PCDHA3: variants seen among roughly 807,000 people sequenced by gnomAD.
The protein encoded by PCDHA3 is protocadherin alpha-3.
In PCDHA3, 41 loss-of-function variants were observed where a neutral mutation model predicts 62.2. The ratio of observed to expected loss-of-function variants is 0.66; its 90% CI spans 0.51 to 0.86. The LOEUF is 0.86. Ranked by LOEUF, PCDHA3 falls within the 40% of genes least tolerant of loss-of-function variation. The pLI is 0.00. For missense variants in PCDHA3, 1,304 were observed against 1,241.2 expected (o/e 1.05, Z -0.76); for synonymous variants, 640 against 555.4 (o/e 1.15, Z -2.14).
At chr5:140,886,254 CTATT>C (rs1407308299) in intron 1 of PCDHA3, among the ~76,000 whole-genome samples, 1 of 151,720 alleles carries the variant, frequency 6.6e-6, no homozygotes, top group African/African-American at 2.4e-5. Context: ...AAAAGTATCT[CTATT>C]TATAGATAAA....
chr5:140,954,390 C>A (rs2095030202), intron 1 of PCDHA3, among the ~76,000 whole-genome samples: 1 of 152,204 alleles, frequency 6.6e-6, no homozygotes, highest in South Asian at 2.1e-4. Context: ...AACTAATTTA[C>A]AACCCCACCA....
At chr5:140,980,076 G>A (rs2096875671) in intron 2 of PCDHA3, among the ~76,000 whole-genome samples, 1 of 152,214 alleles carries the variant, frequency 6.6e-6, no homozygotes, top group South Asian at 2.1e-4. Flanking sequence ...AAGGGCTGAA[G>A]ATTAGTAGTT....
chr5:140,941,225 T>TTC (rs2092914120), intron 1 of PCDHA3, among the ~76,000 whole-genome samples: 17 of 138,026 alleles, frequency 1.2e-4, no homozygotes, highest in African/African-American at 4.7e-4. Context: ...CTTTCTTTCT[T>TTC]TCTTTCTTTC....
rs2150434628 is a variant in PCDHA3, at chr5:140,849,311, C to T, written c.2394+45720C>T. On this transcript the variant is annotated intron_variant, in intron 1 of 3. Transcript: ENST00000522353. ...CCAATGCCTCAGATTTAGACGAAGGCTTGAATGGGGATATTATTTACTCCT... is the reference window on the plus strand; with the variant it reads ...CCAATGCCTCAGATTTAGACGAAGGTTTGAATGGGGATATTATTTACTCCT... 446 of 1,312,408 alleles carry T rather than the reference C, an allele frequency of 3.4e-4. 16 individuals carry two copies. The African/African-American group carries it at 6.8e-3, about 20-fold the overall frequency. 81.3% of individuals were successfully genotyped at this position (1,312,408 alleles called of 1,614,324 possible). A position where few individuals can be genotyped will look rare whatever the true frequency, so the allele number is the denominator to read the frequency against.
At chr5:140,968,345 G>A in intron 1 of PCDHA3, 2 of 1,614,132 alleles carry the variant, frequency 1.2e-6, no homozygotes, top group Non-Finnish European at 8.5e-7. Flanking sequence ...CATTAACAGT[G>A]CCAGTGGCAG....
Position 140,803,499 on chromosome 5 carries a change from G to C in PCDHA3, c.2302G>C (p.Asp768His). The C allele has an allele frequency of 4.3e-6, 7 of 1,614,228 alleles. No homozygotes were observed. Among genetic ancestry groups the C allele is most frequent in the East Asian group, 2.2e-5 (1 of 44,874 alleles). Residue 768 changes from aspartate to histidine, a missense_variant, in exon 1 of 4, where the codon GAC (aspartate) becomes CAC (histidine). By Grantham distance (81) the Asp-to-His change is moderately conservative. Transcript: ENST00000522353. Reference protein sequence around the residue: ...VCSGEGLPKTDLMAFSPSLPP... With the variant: ...VCSGEGLPKTHLMAFSPSLPP... ...CTCTGGAGAGGGGTTGCCCAAGACCGACCTCATGGCTTTTAGCCCTAGCCT... is the reference window on the plus strand; with the variant it reads ...CTCTGGAGAGGGGTTGCCCAAGACCCACCTCATGGCTTTTAGCCCTAGCCT...
intron 1 of PCDHA3, among the ~76,000 whole-genome samples, chr5:140,872,278 AAAGTT>A (rs2053578296): frequency 6.6e-6 from 1 of 152,138 alleles, no homozygotes; most frequent in Non-Finnish European, 1.5e-5. Context: ...TTTGAAGAAA[AAAGTT>A]AAGCCTTGCA....
At chr5:140,967,884 C>T (rs2096194386) in intron 1 of PCDHA3, 2 of 1,614,050 alleles carry the variant, frequency 1.2e-6, no homozygotes, top group African/African-American at 1.3e-5. Context: ...CTGTATAGCC[C>T]AGTGCCTGAG....
In PCDHA3 at chr5:140,839,239, T is replaced by C. The variant is rs112328641; in HGVS notation, c.2394+35648T>C. Among the ~76,000 whole-genome samples the C allele has an allele frequency of 2.6e-3, 403 of 152,128 alleles. 5 individuals carry two copies. The highest frequency in any genetic ancestry group is 9.3e-3 in the African/African-American group (387 of 41,468). ...TGTAACTGTAATCTGTTTTTATTGCTTTGCTTTTATGCTTACATGCATGTA... is the reference window on the plus strand; with the variant it reads ...TGTAACTGTAATCTGTTTTTATTGCCTTGCTTTTATGCTTACATGCATGTA... On this transcript the variant is annotated intron_variant, in intron 1 of 3. Transcript: ENST00000522353.
intron 1 of PCDHA3, chr5:140,841,540 C>T: frequency 1.2e-6 from 2 of 1,613,694 alleles, no homozygotes; most frequent in African/African-American, 1.3e-5. Context: ...GACACCGGGA[C>T]CTTCTGGAGG....
At chr5:140,883,688 A>G (rs782730096) in intron 1 of PCDHA3, 2 of 1,613,792 alleles carry the variant, frequency 1.2e-6, no homozygotes, top group Middle Eastern at 1.7e-4. Flanking sequence ...GGGCTGCCAC[A>G]TCTTCACGGT....
chr5:140,823,676 G>T, intron 1 of PCDHA3: 19 of 1,614,042 alleles, frequency 1.2e-5, no homozygotes, highest in Admixed American at 1.7e-5. Flanking sequence ...AGCACAACAC[G>T]CTCTCTGGAT....
chr5:140,928,012 A>C, intron 1 of PCDHA3: 2 of 1,614,190 alleles, frequency 1.2e-6, no homozygotes, highest in Non-Finnish European at 1.7e-6. Context: ...TTCTAATGGT[A>C]GGGTCATTTG....
intron 1 of PCDHA3, chr5:140,848,707 G>A (rs782550579): frequency 2.5e-6 from 4 of 1,592,422 alleles, no homozygotes; most frequent in East Asian, 2.2e-5. Context: ...TCCAAAGGCC[G>A]CGGGGACCTT....
At chr5:140,817,507 A>C (rs1766149098) in intron 1 of PCDHA3, 1 of 152,214 alleles carries the variant, frequency 6.6e-6, no homozygotes, top group Non-Finnish European at 1.5e-5. Context: ...GCTTTTACAA[A>C]TTATTTTATT....
intron 1 of PCDHA3, among the ~76,000 whole-genome samples, chr5:140,941,595 A>G (rs1273931279): frequency 6.6e-6 from 1 of 152,016 alleles, no homozygotes; most frequent in Non-Finnish European, 1.5e-5. Context: ...GATTACAGCC[A>G]TGAGCCATGG....
chr5:140,806,886 T>C (rs1178813131), intron 1 of PCDHA3: 1 of 431,026 alleles, frequency 2.3e-6, no homozygotes, highest in African/African-American at 2.0e-5. Context: ...GTACAAAATG[T>C]ATTCCTATTC....
In PCDHA3 at chr5:140,803,506, T is replaced by C. The variant is rs1554122852; in HGVS notation, c.2309T>C (p.Met770Thr). ...SGEGLPKTDLMAFSPSLPPCP... is the reference protein window; with the variant it reads ...SGEGLPKTDLTAFSPSLPPCP... ...GAGGGGTTGCCCAAGACCGACCTCA[T>C]GGCTTTTAGCCCTAGCCTTCCTCCT... Residue 770 changes from methionine to threonine, a missense_variant, in exon 1 of 4, where the codon ATG becomes ACG. Physicochemically the swap from Met to Thr is moderately conservative, Grantham distance 81. Transcript: ENST00000522353. 1 of 1,614,120 alleles carries C rather than the reference T, an allele frequency of 6.2e-7. No individual in the cohort carries two copies. Among genetic ancestry groups the C allele is most frequent in the Non-Finnish European group, 8.5e-7 (1 of 1,180,040 alleles).
At chr5:140,809,486 A>G in intron 1 of PCDHA3, 1 of 1,614,232 alleles carries the variant, frequency 6.2e-7, no homozygotes, top group Non-Finnish European at 8.5e-7. Flanking sequence ...CCCACCCAAG[A>G]CCGACCTCAT....
Sources: allele counts gnomAD v4.1 joint callset (sites outside exome capture counted in the v4.1 genomes callset), GRCh38; gene constraint gnomAD v4.1.1; transcripts MANE v1.5; gene names NCBI Gene and HGNC (gene_info 2026-07-23, HGNC 2026-07-21).